The following PPM1D variants were observed in gnomAD, a reference collection of about 807,000 sequenced individuals.
PPM1D encodes the protein protein phosphatase 1D.
Under a neutral mutation model 58.3 loss-of-function variants are expected in PPM1D, and 52 were observed. That is an observed-to-expected ratio of 0.89 (90% CI 0.71 to 1.12). The LOEUF is 1.12. Ranked by LOEUF, PPM1D falls within the 50% of genes most tolerant of loss-of-function variation. The pLI is 0.00. For synonymous variants in PPM1D, 278 were observed against 285.1 expected (o/e 0.98, Z 0.25); for missense variants, 564 against 777.2 (o/e 0.73, Z 3.26).
Position 60,651,547 on chromosome 17 carries a change from G to A in PPM1D, c.1017+3465G>A, listed in dbSNP as rs940115912. Among the ~76,000 whole-genome samples the A allele has an allele frequency of 4.0e-5, 6 of 151,886 alleles. No homozygotes were observed. The East Asian group carries it at 7.8e-4, about 20-fold the overall frequency. ...CGAGTAGCTGGGACTACAGGCGCGC[G>A]CCACCATGCCTGGCTAATTTTTTTT... On this transcript the variant is annotated intron_variant, in intron 4 of 5. Coordinates refer to ENST00000305921, the MANE Select transcript of PPM1D (RefSeq NM_003620.4).
intron 1 of PPM1D, among the ~76,000 whole-genome samples, chr17:60,610,488 T>C (rs2030432697): frequency 6.6e-6 from 1 of 152,188 alleles, no homozygotes; most frequent in African/African-American, 2.4e-5. Context: ...TTAAAAACAA[T>C]GATGTTTGGA....
chr17:60,609,257 C>G (rs903450758), intron 1 of PPM1D, among the ~76,000 whole-genome samples: 3 of 151,822 alleles, frequency 2.0e-5, no homozygotes, highest in African/African-American at 7.3e-5. Flanking sequence ...CCACGCCCAG[C>G]TAATTTTTTG....
Position 60,662,997 on chromosome 17 carries a change from A to T in PPM1D, c.1263A>T (p.Ser421=), listed in dbSNP as rs372723537. The change falls in exon 6 of 6, where the codon TCA becomes TCT. Residue 421 remains serine (S), a splice_region_variant and synonymous_variant. Coordinates refer to ENST00000305921, the MANE Select transcript of PPM1D (RefSeq NM_003620.4). Reference sequence around the variant, plus strand: ...TGTTTTACCTTCTTATTTTTCAGTCACTGGAGGAGGATCCATGGCCAAGGG... The same window carrying T: ...TGTTTTACCTTCTTATTTTTCAGTCTCTGGAGGAGGATCCATGGCCAAGGG... ...PSPCSTPPVK[S]LEEDPWPRVN... The T allele has an allele frequency of 2.5e-6, 4 of 1,588,488 alleles. No homozygotes were observed. Among genetic ancestry groups the T allele is most frequent in the African/African-American group, 2.7e-5 (2 of 73,456 alleles).
chr17:60,627,483 G>A (rs962425880), intron 2 of PPM1D, among the ~76,000 whole-genome samples: 3 of 151,194 alleles, frequency 2.0e-5, no homozygotes, highest in Non-Finnish European at 4.4e-5. Context: ...GTGCAGTGGC[G>A]GGATCTGGGC....
chr17:60,662,778 T>C (rs955365173), intron 5 of PPM1D, among the ~76,000 whole-genome samples: 3 of 152,200 alleles, frequency 2.0e-5, no homozygotes, highest in Non-Finnish European at 4.4e-5. Context: ...GAAGACAGAA[T>C]TCAATGTCAT....
At chr17:60,645,692 G>A (rs1280430229) in intron 3 of PPM1D, among the ~76,000 whole-genome samples, 1 of 144,242 alleles carries the variant, frequency 6.9e-6, no homozygotes, top group Non-Finnish European at 1.5e-5. Flanking sequence ...ACATATGTAG[G>A]TAGGTAGATA....
At chr17:60,643,244 A>G (rs1013497583) in intron 3 of PPM1D, among the ~76,000 whole-genome samples, 2 of 151,892 alleles carry the variant, frequency 1.3e-5, no homozygotes, top group Non-Finnish European at 2.9e-5. Flanking sequence ...TTAGCCTAGC[A>G]TGGTGGCACA....
chr17:60,662,714 A>G (rs1288080670), intron 5 of PPM1D, among the ~76,000 whole-genome samples: 2 of 152,202 alleles, frequency 1.3e-5, no homozygotes, highest in Non-Finnish European at 2.9e-5. Context: ...GCTTGTGACC[A>G]CGTGAATTTT....
intron 3 of PPM1D, among the ~76,000 whole-genome samples, chr17:60,645,498 G>GTA (rs372803601): frequency 0.056 from 7,332 of 130,144 alleles, 717 homozygotes; most frequent in African/African-American, 0.2. Context: ...GTGTGTATGT[G>GTA]TATATATATA....
intron 1 of PPM1D, among the ~76,000 whole-genome samples, chr17:60,607,870 C>T (rs2030363920): frequency 6.6e-6 from 1 of 152,160 alleles, no homozygotes; most frequent in Non-Finnish European, 1.5e-5. Context: ...AGATTTAGAG[C>T]ATTCATTTTA....
rs1206711487 is a variant in PPM1D at position 60,663,112 on chromosome 17, A to G, written c.1378A>G (p.Asn460Asp). 1.2e-6 allele frequency: 2 copies of G among 1,614,060 alleles called. No homozygotes were observed. Among genetic ancestry groups the G allele is most frequent in the East Asian group, 2.2e-5 (1 of 44,898 alleles). ...LEVSAEIARENVQGVVIPSKD... is the reference protein window; with the variant it reads ...LEVSAEIAREDVQGVVIPSKD... The stretch of plus-strand genomic sequence containing the variant: ...GGTTTCAGCTGAGATAGCTCGAGAG[A>G]ATGTCCAAGGTGTAGTCATACCCTC... Residue 460 changes from asparagine (N) to aspartate (D), a missense_variant, in exon 6 of 6, where the codon AAT becomes GAT. Coordinates refer to ENST00000305921, the MANE Select transcript of PPM1D (RefSeq NM_003620.4).
intron 3 of PPM1D, among the ~76,000 whole-genome samples, chr17:60,638,581 C>A (rs188372467): frequency 6.6e-6 from 1 of 152,236 alleles, no homozygotes; most frequent in Non-Finnish European, 1.5e-5. Flanking sequence ...GTTGGCCAGG[C>A]TGGTCTCGAA....
intron 4 of PPM1D, among the ~76,000 whole-genome samples, chr17:60,649,864 C>T (rs1298874303): frequency 1.3e-5 from 2 of 152,122 alleles, no homozygotes; most frequent in Non-Finnish European, 2.9e-5. Context: ...AGGTGAGAGT[C>T]ATCTTGATTC....
chr17:60,619,838 G>A (rs375462837), intron 1 of PPM1D, among the ~76,000 whole-genome samples: 1 of 151,994 alleles, frequency 6.6e-6, no homozygotes, highest in Non-Finnish European at 1.5e-5. Context: ...GGCCTCAAGC[G>A]ATCTTCCTGT....
Position 60,663,379 on chromosome 17 carries a change from A to C in PPM1D, c.1645A>C (p.Lys549Gln). The C allele has an allele frequency of 6.2e-7, 1 of 1,614,200 alleles. No homozygotes were observed. Among genetic ancestry groups the C allele is most frequent in the East Asian group, 2.2e-5 (1 of 44,886 alleles). ...EESNSGPLMK[K>Q]HRRNGLSRSS... ...GTCCAATTCTGGCCCCCTGATGAAG[A>C]AGCATAGACGAAATGGCTTAAGTCG... Residue 549 changes from lysine (K) to glutamine (Q), a missense_variant, in exon 6 of 6, where the codon AAG becomes CAG. Transcript: ENST00000305921.
chr17:60,663,628 T>A lies in PPM1D; in HGVS notation c.*76T>A, dbSNP rs2143734062. 1 of 1,434,306 alleles carries A rather than the reference T, an allele frequency of 7.0e-7. No individual in the cohort carries two copies. Among genetic ancestry groups the A allele is most frequent in the East Asian group, 2.3e-5 (1 of 43,348 alleles). The allele number at this position is 1,434,306 out of a possible 1,614,324, so 88.8% of individuals were successfully genotyped here. ...TTTAAATTTGGTGCCGATGTTGAAC[T>A]TTTTTTAAGGGGAGAAAATTAAAAG... On this transcript the variant is annotated 3_prime_UTR_variant, in exon 6 of 6. Transcript: ENST00000305921.
At chr17:60,618,352 T>G (rs1478810096) in intron 1 of PPM1D, among the ~76,000 whole-genome samples, 1 of 152,224 alleles carries the variant, frequency 6.6e-6, no homozygotes, top group African/African-American at 2.4e-5. Context: ...TATCTTTACC[T>G]TTAATAAGTA....
chr17:60,623,282 A>G (rs2030742986), intron 1 of PPM1D, among the ~76,000 whole-genome samples: 1 of 152,118 alleles, frequency 6.6e-6, no homozygotes, highest in Admixed American at 6.5e-5. Context: ...CCTGTAATAT[A>G]TTTCTCTTAG....
At chr17:60,631,947 G>A (rs2030930368) in intron 2 of PPM1D, among the ~76,000 whole-genome samples, 1 of 151,788 alleles carries the variant, frequency 6.6e-6, no homozygotes, top group Non-Finnish European at 1.5e-5. Context: ...GGGAGGCCGA[G>A]GTGGGTGGAT....
Sources: allele counts gnomAD v4.1 joint callset (sites outside exome capture counted in the v4.1 genomes callset), GRCh38; gene constraint gnomAD v4.1.1; transcripts MANE v1.5; gene names NCBI Gene and HGNC (gene_info 2026-07-23, HGNC 2026-07-21).